NFE2: variants seen among roughly 807,000 people sequenced by gnomAD.
NFE2 encodes transcription factor NF-E2 45 kDa subunit.
In NFE2, 13 loss-of-function variants were observed where a neutral mutation model predicts 25.8. The observed-to-expected ratio is 0.50, with a 90% confidence interval of 0.33 to 0.80. The LOEUF is 0.80. NFE2 is among the 30% of genes least tolerant of loss of function. The pLI, the probability that NFE2 is intolerant of heterozygous loss-of-function variation, is 0.02. For missense variants in NFE2, 382 were observed against 478.9 expected (o/e 0.80, Z 1.89); for synonymous variants, 204 against 200.2 (o/e 1.02, Z -0.16).
At chr12:54,295,468 C>A in intron 1 of NFE2, 164 bp from the exon 2 acceptor site, 3 of 502,474 alleles carry the variant, frequency 6.0e-6, no homozygotes, top group Non-Finnish European at 1.1e-5. Context: ...GATGGAAAGT[C>A]TTTTCCTGTG....
chr12:54,298,732 A>G (rs187153184), intron 1 of NFE2, among the ~76,000 whole-genome samples: 32 of 152,048 alleles, frequency 2.1e-4, no homozygotes, highest in Non-Finnish European at 4.1e-4. Context: ...AATTGAATCC[A>G]TAAACCCAGG....
intron 1 of NFE2, among the ~76,000 whole-genome samples, chr12:54,296,957 T>G (rs1944377239): frequency 6.6e-6 from 1 of 152,092 alleles, no homozygotes; most frequent in Non-Finnish European, 1.5e-5. Context: ...CTGTTTTCCC[T>G]GCCGTCAGCA....
chr12:54,294,484 G>C (rs1043204747), intron 2 of NFE2, among the ~76,000 whole-genome samples: 1 of 152,024 alleles, frequency 6.6e-6, no homozygotes, highest in African/African-American at 2.4e-5. Flanking sequence ...GTGGCTGGGG[G>C]CTAAGAAGCA....
At chr12:54,295,359 G>T in intron 1 of NFE2, 55 bp from the exon 2 acceptor site, 1 of 794,292 alleles carries the variant, frequency 1.3e-6, no homozygotes, top group Non-Finnish European at 2.1e-6. Context: ...CAGCAAGTTT[G>T]CACTACCTCC....
At position 54,292,223 on chromosome 12, in the gene NFE2, A is replaced by G; in HGVS notation, c.*151T>C. 2.5e-6 allele frequency: 2 copies of G among 797,956 alleles called. No homozygotes were observed. The highest frequency in any genetic ancestry group is 3.9e-6 in the Non-Finnish European group (2 of 515,512). The allele number at this position is 797,956 out of a possible 1,614,324, so 49.4% of individuals were successfully genotyped here. On this transcript the variant is annotated 3_prime_UTR_variant, in exon 3 of 3. Transcript: ENST00000435572. ...CCTCCCTCAAGGCAAGCCTCTTTGA[A>G]CACACCTTGGAACTTCCAAACACTT...
rs137936359 is a variant in NFE2 at position 54,292,482 on chromosome 12, C to A, written c.1014G>T (p.Arg338=). The A allele has an allele frequency of 8.7e-6, 14 of 1,614,076 alleles. No individual in the cohort carries two copies. The highest frequency in any genetic ancestry group is 1.1e-5 in the Non-Finnish European group (13 of 1,180,052). The change falls in exon 3 of 3, where the codon CGG becomes CGT. Residue 338 remains arginine, a synonymous_variant. Coordinates refer to ENST00000435572, the MANE Select transcript of NFE2 (RefSeq NM_001136023.3). ...ELYRDIFQHL[R]DESGNSYSPE... ...GAGAGTAGCTGTTGCCTGATTCATC[C>A]CGAAGGTGCTGGAAAATGTCACGGT...
At chr12:54,293,488 A>G in intron 2 of NFE2, 107 bp from the exon 3 acceptor site, 2 of 1,251,062 alleles carry the variant, frequency 1.6e-6, no homozygotes, top group Non-Finnish European at 2.1e-6. Context: ...AGGTAGTAAC[A>G]AGGAAACAAA....
chr12:54,295,892 G>T (rs549764808), intron 1 of NFE2: 2 of 153,518 alleles, frequency 1.3e-5, no homozygotes, highest in East Asian at 3.9e-4. Context: ...GGGCTCCCCT[G>T]CCTGGGCCAG....
rs1271147194 is a variant in NFE2, at chr12:54,295,143, C to T, written c.106G>A (p.Glu36Lys). The T allele has an allele frequency of 3.1e-6, 5 of 1,613,202 alleles. No homozygotes were observed. The highest frequency in any genetic ancestry group is 1.3e-5 in the African/African-American group (1 of 74,878). ...LTWQEIMSIT[E>K]LQGLNAPSEP... ...TATCCCCCCTTACTCACCTGCAGCTCGGTGATGGACATGATCTCCTGCCAA... is the reference window on the plus strand; with the variant it reads ...TATCCCCCCTTACTCACCTGCAGCTTGGTGATGGACATGATCTCCTGCCAA... The change falls in exon 2 of 3, where the codon GAG becomes AAG. Residue 36 changes from glutamate to lysine, a missense_variant. Transcript: ENST00000435572.
chr12:54,296,886 C>A (rs1944376784), intron 1 of NFE2, among the ~76,000 whole-genome samples: 1 of 152,130 alleles, frequency 6.6e-6, no homozygotes, highest in African/African-American at 2.4e-5. Context: ...TCTTTATCTT[C>A]TTCTGTCAGT....
intron 1 of NFE2, among the ~76,000 whole-genome samples, chr12:54,299,166 C>G (rs547503619): frequency 6.6e-6 from 1 of 152,098 alleles, no homozygotes; most frequent in African/African-American, 2.4e-5. Flanking sequence ...AAGTTTGTAC[C>G]AGGTGGCAGG....
At chr12:54,300,010 G>A (rs1274010165) in intron 1 of NFE2, 1 of 152,206 alleles carries the variant, frequency 6.6e-6, no homozygotes, top group Non-Finnish European at 1.5e-5. Flanking sequence ...CTAGGGACAT[G>A]CATGACTCAA....
In NFE2 at chr12:54,297,175, T is replaced by C. The variant is rs1034322905; in HGVS notation, c.-56-1871A>G. 1.7e-4 allele frequency among the ~76,000 whole-genome samples: 26 copies of C among 151,638 alleles called. No homozygotes were observed. The South Asian group carries it at 2.1e-3, about 12-fold the overall frequency. ...TTTGAGATCAGCCTGAGAAACACGG[T>C]GAAAACCCATCTCCACTAAAAATGC... is the stretch of plus-strand genomic sequence containing the variant. On this transcript the variant is annotated intron_variant, in intron 1 of 2. Transcript: ENST00000435572.
chr12:54,293,301 G>A lies in NFE2; in HGVS notation c.195C>T (p.Tyr65=), dbSNP rs1944337586. ...PYLGPPPPTT[Y]CPCSIHPDSG... is the part of the protein sequence containing the mutation. ...AATCTGGGTGGATTGAGCAGGGGCA[G>A]TAAGTTGTGGGTGGTGGAGGTCCAA... The change falls in exon 3 of 3, where the codon TAC becomes TAT. Residue 65 remains tyrosine (Y), a synonymous_variant. Transcript: ENST00000435572. The A allele has an allele frequency of 6.2e-7, 1 of 1,607,706 alleles. No homozygotes were observed. Among genetic ancestry groups the A allele is most frequent in the Non-Finnish European group, 8.5e-7 (1 of 1,176,434 alleles).
chr12:54,300,245 C>T (rs184504963), intron 1 of NFE2: 2 of 152,342 alleles, frequency 1.3e-5, no homozygotes, highest in Admixed American at 1.3e-4. Flanking sequence ...TGTCTTCCTT[C>T]TCCCTCCAGG....
rs1434589628 is a variant in NFE2 at position 54,292,636 on chromosome 12, T to C, written c.860A>G (p.Lys287Arg). Residue 287 changes from lysine (K) to arginine (R), a missense_variant, in exon 3 of 3, where the codon AAG (lysine) becomes AGG (arginine). Transcript: ENST00000435572. Reference protein sequence around the residue: ...KVAAQNCRKRKLETIVQLERE... With the variant: ...KVAAQNCRKRRLETIVQLERE... ...CTCCAGCTGCACAATGGTTTCCAGC[T>C]TCCTCTTGCGGCAGTTCTGGGCTGC... 1 of 1,614,208 alleles carries C rather than the reference T, an allele frequency of 6.2e-7. No individual in the cohort carries two copies. The highest frequency in any genetic ancestry group is 8.5e-7 in the Non-Finnish European group (1 of 1,180,046).
At chr12:54,298,546 G>A (rs1046532512) in intron 1 of NFE2, among the ~76,000 whole-genome samples, 1 of 150,992 alleles carries the variant, frequency 6.6e-6, no homozygotes, top group Admixed American at 6.6e-5. Flanking sequence ...ATGACCGTGG[G>A]CAAATTGCTT....
At position 54,292,877 on chromosome 12, in the gene NFE2, G is replaced by A; in HGVS notation, c.619C>T (p.Pro207Ser). 1 of 1,613,436 alleles carries A rather than the reference G, an allele frequency of 6.2e-7. No individual in the cohort carries two copies. Among genetic ancestry groups the A allele is most frequent in the Non-Finnish European group, 8.5e-7 (1 of 1,179,464 alleles). The change falls in exon 3 of 3, where the codon CCC becomes TCC. Residue 207 changes from proline (P) to serine (S), a missense_variant. Physicochemically the swap from Pro to Ser is moderately conservative, Grantham distance 74. Transcript: ENST00000435572. ...TTAGCCCGCACAGGGCCTGAGGAGGGCTCTAAGGCCAAGGGGGTCTCAGCA... is the reference window on the plus strand; with the variant it reads ...TTAGCCCGCACAGGGCCTGAGGAGGACTCTAAGGCCAAGGGGGTCTCAGCA... ...PAAETPLALE[P>S]SSGPVRAKPT...
chr12:54,299,877 G>A (rs1241737828), intron 1 of NFE2, among the ~76,000 whole-genome samples: 3 of 151,998 alleles, frequency 2.0e-5, no homozygotes, highest in Non-Finnish European at 2.9e-5. Flanking sequence ...TTGGTTAACC[G>A]GTAAGCAACC....
Sources: allele counts gnomAD v4.1 joint callset (sites outside exome capture counted in the v4.1 genomes callset), GRCh38; gene constraint gnomAD v4.1.1; transcripts MANE v1.5; gene names NCBI Gene and HGNC (gene_info 2026-07-23, HGNC 2026-07-21).